NRXN1: variants seen among roughly 807,000 people sequenced by gnomAD.
The protein encoded by NRXN1 is neurexin 1.
Under a neutral mutation model 150.9 loss-of-function variants are expected in NRXN1, and 39 were observed. The observed-to-expected ratio is 0.26, with a 90% CI of 0.20 to 0.34. The LOEUF is 0.34. NRXN1 is among the 10% of genes least tolerant of loss of function. The pLI is 1.00. For synonymous variants in NRXN1, 924 were observed against 757.0 expected (o/e 1.22, Z -3.62); for missense variants, 1,815 against 1,949.9 (o/e 0.93, Z 1.30).
chr2:50,239,774 G>A (rs903492317), intron 17 of NRXN1, among the ~76,000 whole-genome samples: 2 of 140,920 alleles, frequency 1.4e-5, no homozygotes, highest in Non-Finnish European at 3.1e-5. Context: ...TTAATTGGAT[G>A]TCAGTCTGAA....
intron 9 of NRXN1, among the ~76,000 whole-genome samples, chr2:50,547,298 A>AAAATAAATAAAT (rs34901935): frequency 2.6e-5 from 4 of 151,036 alleles, no homozygotes; most frequent in African/African-American, 9.8e-5. Context: ...GATGGTTTAC[A>AAAATAAATAAAT]AAATAAATAA....
At chr2:50,738,486 G>C (rs367560457) in intron 5 of NRXN1, among the ~76,000 whole-genome samples, 1 of 152,182 alleles carries the variant, frequency 6.6e-6, no homozygotes, top group East Asian at 1.9e-4. Context: ...TTGTTTTTCA[G>C]TAACAGTATG....
chr2:50,356,040 C>G (rs1440157897), intron 17 of NRXN1, among the ~76,000 whole-genome samples: 3 of 151,548 alleles, frequency 2.0e-5, no homozygotes, highest in African/African-American at 7.3e-5. Flanking sequence ...ATGTTATAAA[C>G]AGATGTCTTT....
intron 18 of NRXN1, among the ~76,000 whole-genome samples, chr2:50,182,017 T>C (rs932567242): frequency 6.6e-6 from 1 of 151,190 alleles, no homozygotes; most frequent in Admixed American, 6.6e-5. Context: ...TCTTTTTTGG[T>C]AGCTTCAAGG....
intron 18 of NRXN1, among the ~76,000 whole-genome samples, chr2:50,102,847 G>A (rs866171632): frequency 6.6e-6 from 1 of 152,016 alleles, no homozygotes; most frequent in East Asian, 1.9e-4. Flanking sequence ...ACTCTTTATA[G>A]CTATTAAGAT....
intron 21 of NRXN1, among the ~76,000 whole-genome samples, chr2:49,966,062 C>T (rs556028711): frequency 1.3e-5 from 2 of 152,146 alleles, no homozygotes; most frequent in Non-Finnish European, 2.9e-5. Flanking sequence ...AATATTTTCA[C>T]TTACAGTAAA....
chr2:50,737,636 A>G (rs1698927654), intron 5 of NRXN1, among the ~76,000 whole-genome samples: 1 of 152,090 alleles, frequency 6.6e-6, no homozygotes, highest in Non-Finnish European at 1.5e-5. Flanking sequence ...TTTAATGTTA[A>G]TAATCTTCAT....
chr2:51,006,639 T>A (rs186310553), intron 2 of NRXN1, among the ~76,000 whole-genome samples: 8 of 152,034 alleles, frequency 5.3e-5, no homozygotes, highest in African/African-American at 1.9e-4. Context: ...CACCACATAC[T>A]CAAAAGGTAA....
At chr2:50,673,318 T>C (rs897511064) in intron 5 of NRXN1, among the ~76,000 whole-genome samples, 3 of 152,122 alleles carry the variant, frequency 2.0e-5, no homozygotes, top group Non-Finnish European at 4.4e-5. Context: ...TTTCTACCAA[T>C]ACTAGCAAAA....
intron 17 of NRXN1, among the ~76,000 whole-genome samples, chr2:50,299,235 G>C (rs2073926627): frequency 6.6e-6 from 1 of 152,058 alleles, no homozygotes; most frequent in Non-Finnish European, 1.5e-5. Flanking sequence ...CAGGAGAACT[G>C]AATTTCTATA....
chr2:50,714,099 G>C (rs1376952052), intron 5 of NRXN1, among the ~76,000 whole-genome samples: 3 of 152,254 alleles, frequency 2.0e-5, no homozygotes, highest in Admixed American at 6.5e-5. Flanking sequence ...AAGGTAGCAA[G>C]ATACTTGATA....
intron 5 of NRXN1, among the ~76,000 whole-genome samples, chr2:50,694,419 C>A (rs1280950465): frequency 6.6e-6 from 1 of 152,136 alleles, no homozygotes; most frequent in Non-Finnish European, 1.5e-5. Flanking sequence ...AACTTCTAAG[C>A]TGTATACTAT....
chr2:50,151,201 A>C (rs1318834974), intron 18 of NRXN1, among the ~76,000 whole-genome samples: 3 of 151,740 alleles, frequency 2.0e-5, no homozygotes, highest in Non-Finnish European at 4.4e-5. Flanking sequence ...TTCTTTCCTC[A>C]GCTTTGTTAT....
chr2:50,989,309 C>T (rs1020088529), intron 2 of NRXN1, among the ~76,000 whole-genome samples: 3 of 151,850 alleles, frequency 2.0e-5, no homozygotes, highest in East Asian at 1.9e-4. Flanking sequence ...AGTGAGAATA[C>T]AATTGTTAAA....
intron 17 of NRXN1, among the ~76,000 whole-genome samples, chr2:50,239,009 C>T (rs1025552622): frequency 6.6e-6 from 1 of 151,942 alleles, no homozygotes; most frequent in Non-Finnish European, 1.5e-5. Flanking sequence ...CCAGTCAGTG[C>T]ACAAAGAAAA....
intron 5 of NRXN1, among the ~76,000 whole-genome samples, chr2:50,647,117 C>T (rs1266127386): frequency 6.6e-6 from 1 of 151,512 alleles, no homozygotes; most frequent in Non-Finnish European, 1.5e-5. Context: ...ACCCGCTGAA[C>T]AAACTGTATC....
At position 49,920,125 on chromosome 2, in the gene NRXN1, C is replaced by T. The variant is rs1329927503; in HGVS notation, c.*1819G>A. 1.3e-5 allele frequency: 2 copies of T among 151,984 alleles called. No individual in the cohort carries two copies. The highest frequency in any genetic ancestry group is 2.4e-5 in the African/African-American group (1 of 41,368). The allele number at this position is 151,984 out of a possible 1,614,324, so 9.4% of individuals were successfully genotyped here. A position where few individuals can be genotyped will look rare whatever the true frequency, so the allele number is the denominator to read the frequency against. ...GCTGTGAACATCATTGAATAATATGCAAAACAAGTGTATAATCTATACTTT... is the reference window on the plus strand; with the variant it reads ...GCTGTGAACATCATTGAATAATATGTAAAACAAGTGTATAATCTATACTTT... On this transcript the variant is annotated 3_prime_UTR_variant, in exon 23 of 23. Coordinates refer to ENST00000401669, the MANE Select transcript of NRXN1 (RefSeq NM_001330078.2).
chr2:50,599,331 A>G (rs924503510), intron 8 of NRXN1, among the ~76,000 whole-genome samples: 1 of 152,138 alleles, frequency 6.6e-6, no homozygotes, highest in African/African-American at 2.4e-5. Context: ...GGCAAGCCAC[A>G]CCGCTCCAAA....
At chr2:50,843,783 G>A (rs1374863531) in intron 5 of NRXN1, among the ~76,000 whole-genome samples, 1 of 152,164 alleles carries the variant, frequency 6.6e-6, no homozygotes, top group African/African-American at 2.4e-5. Context: ...GACTCATCAA[G>A]ACTGCAGTAG....
Sources: allele counts gnomAD v4.1 joint callset (sites outside exome capture counted in the v4.1 genomes callset), GRCh38; gene constraint gnomAD v4.1.1; transcripts MANE v1.5; gene names NCBI Gene and HGNC (gene_info 2026-07-23, HGNC 2026-07-21).